Variants in PDE4D observed in about 807,000 individuals in gnomAD.
PDE4D encodes 3',5'-cyclic-AMP phosphodiesterase 4D.
A neutral mutation model predicts 87.4 loss-of-function variants in PDE4D; 24 were observed. The observed-to-expected ratio is 0.27, with a 90% CI of 0.20 to 0.39. The LOEUF (loss-of-function observed/expected upper bound fraction) is 0.39. Among genes scored for constraint, PDE4D ranks in the 10% least tolerant of loss-of-function variants. PDE4D has a pLI of 1.00. For missense variants in PDE4D, 714 were observed against 1,041.0 expected, an observed-to-expected ratio of 0.69 and a Z score of 4.32; for synonymous variants, 384 against 383.2, an observed-to-expected ratio of 1.00 and a Z score of -0.02.
intron 1 of PDE4D, among the ~76,000 whole-genome samples, chr5:59,383,425 C>A (rs1435477561): frequency 6.6e-6 from 1 of 152,154 alleles, no homozygotes; most frequent in Non-Finnish European, 1.5e-5. Context: ...CCCTTTCTAA[C>A]CTGATTTCCC....
At chr5:60,206,755 C>T (rs2149560355) in intron 1 of PDE4D, among the ~76,000 whole-genome samples, 1 of 152,190 alleles carries the variant, frequency 6.6e-6, no homozygotes, top group East Asian at 1.9e-4. Flanking sequence ...CATACCTATA[C>T]AGGATGAAAA....
chr5:60,065,515 C>T (rs1467853946), intron 2 of PDE4D, among the ~76,000 whole-genome samples: 2 of 151,810 alleles, frequency 1.3e-5, no homozygotes, highest in African/African-American at 4.8e-5. Flanking sequence ...TATACATGTG[C>T]CATGCTGGTA....
intron 1 of PDE4D, among the ~76,000 whole-genome samples, chr5:59,510,552 T>C (rs1042565145): frequency 6.6e-6 from 1 of 151,382 alleles, no homozygotes; most frequent in Non-Finnish European, 1.5e-5. Flanking sequence ...TCCAGATAGG[T>C]AGGTAGGTAG....
chr5:60,273,246 T>G (rs1751001006), intron 1 of PDE4D, among the ~76,000 whole-genome samples: 1 of 151,978 alleles, frequency 6.6e-6, no homozygotes, highest in Non-Finnish European at 1.5e-5. Flanking sequence ...AGGTAGTGTC[T>G]TAGCAAATAA....
chr5:59,641,585 T>C (rs1351949200), intron 1 of PDE4D, among the ~76,000 whole-genome samples: 1 of 152,160 alleles, frequency 6.6e-6, no homozygotes, highest in Non-Finnish European at 1.5e-5. Flanking sequence ...CACTTTAAAA[T>C]GATGTTACAA....
At chr5:59,360,505 T>C (rs893009026) in intron 1 of PDE4D, among the ~76,000 whole-genome samples, 6 of 152,150 alleles carry the variant, frequency 3.9e-5, no homozygotes, top group Admixed American at 3.9e-4. Flanking sequence ...GAATGATACA[T>C]TGCAAAAGAG....
chr5:59,465,703 C>T (rs949266527), intron 1 of PDE4D, among the ~76,000 whole-genome samples: 1 of 152,170 alleles, frequency 6.6e-6, no homozygotes, highest in Non-Finnish European at 1.5e-5. Flanking sequence ...TCAGTCACAT[C>T]TGCACACCTC....
At chr5:60,277,239 T>A (rs1042674358) in intron 1 of PDE4D, among the ~76,000 whole-genome samples, 1 of 152,094 alleles carries the variant, frequency 6.6e-6, no homozygotes, top group Admixed American at 6.6e-5. Flanking sequence ...CTCTCGCCAC[T>A]TCTAGTCAAC....
intron 2 of PDE4D, 162 bp downstream of exon 2, chr5:59,215,615 T>A: frequency 1.7e-6 from 1 of 595,360 alleles, no homozygotes; most frequent in Non-Finnish European, 3.0e-6. Flanking sequence ...TGCACTCAGG[T>A]TAAATCTACC....
chr5:59,833,435 C>G (rs1323020715), intron 1 of PDE4D, among the ~76,000 whole-genome samples: 1 of 151,926 alleles, frequency 6.6e-6, no homozygotes, highest in African/African-American at 2.4e-5. Context: ...AAAGAGTCAA[C>G]AGTAAATCAC....
At chr5:59,576,647 A>G (rs1461062571) in intron 1 of PDE4D, among the ~76,000 whole-genome samples, 1 of 152,136 alleles carries the variant, frequency 6.6e-6, no homozygotes, top group Non-Finnish European at 1.5e-5. Flanking sequence ...AGAACAGATT[A>G]TAATGTTAAT....
upstream of PDE4D, chr5:60,488,267 T>G (rs1749311698): frequency 6.6e-6 from 1 of 152,056 alleles, no homozygotes; most frequent in African/African-American, 2.4e-5. Flanking sequence ...AAATCACAGC[T>G]TCCTTGTCGG....
chr5:60,493,294 A>G (rs1749631479), intron 1 of PDE4D, among the ~76,000 whole-genome samples: 1 of 152,236 alleles, frequency 6.6e-6, no homozygotes, highest in Non-Finnish European at 1.5e-5. Flanking sequence ...TAACCTAACC[A>G]AAAACGATTT....
chr5:60,071,907 A>C (rs938807509), intron 2 of PDE4D, among the ~76,000 whole-genome samples: 1 of 152,048 alleles, frequency 6.6e-6, no homozygotes, highest in African/African-American at 2.4e-5. Flanking sequence ...CAATTTATTT[A>C]CTCAGTTTAC....
chr5:59,586,512 A>AC, intron 1 of PDE4D: 3 of 1,446,780 alleles, frequency 2.1e-6, no homozygotes, highest in Non-Finnish European at 2.7e-6. Flanking sequence ...TCCCAAAAAA[A>AC]AAAAAAAAAT....
chr5:59,624,061 G>A (rs949797268), intron 1 of PDE4D, among the ~76,000 whole-genome samples: 1 of 152,132 alleles, frequency 6.6e-6, no homozygotes. Context: ...GTTGTGTTGA[G>A]AGGATAGAAG....
chr5:60,155,088 T>C (rs1017337666), intron 2 of PDE4D, among the ~76,000 whole-genome samples: 3 of 152,222 alleles, frequency 2.0e-5, no homozygotes, highest in South Asian at 2.1e-4. Flanking sequence ...AAAAGTTGCA[T>C]GCAATTCTGT....
At chr5:60,272,457 T>C (rs1345777294) in intron 1 of PDE4D, among the ~76,000 whole-genome samples, 1 of 152,240 alleles carries the variant, frequency 6.6e-6, no homozygotes, top group Non-Finnish European at 1.5e-5. Context: ...AGTTAGTTCT[T>C]ACAGCTCCCT....
intron 1 of PDE4D, among the ~76,000 whole-genome samples, chr5:60,209,712 AG>A (rs1484864868): frequency 1.3e-5 from 2 of 151,584 alleles, no homozygotes; most frequent in African/African-American, 4.9e-5. Context: ...GGAGAGTGGG[AG>A]GAGAGGAAAA....
Sources: allele counts gnomAD v4.1 joint callset (sites outside exome capture counted in the v4.1 genomes callset), GRCh38; gene constraint gnomAD v4.1.1; transcripts MANE v1.5; gene names NCBI Gene and HGNC (gene_info 2026-07-23, HGNC 2026-07-21).